Variants in EIF3G observed in about 807,000 individuals in gnomAD.
The protein encoded by EIF3G is eukaryotic translation initiation factor 3 RNA-binding subunit.
Under a neutral mutation model 41.7 loss-of-function variants are expected in EIF3G, and 10 were observed. The ratio of observed to expected loss-of-function variants is 0.24; its 90% CI spans 0.15 to 0.41. The LOEUF is 0.41. Ranked by LOEUF, EIF3G falls within the 10% of genes least tolerant of loss-of-function variation. The pLI, the probability that EIF3G is intolerant of heterozygous loss-of-function variation, is 1.00. For synonymous variants in EIF3G, 204 were observed against 172.5 expected, an observed-to-expected ratio of 1.18 and a Z score of -1.43; for missense variants, 297 against 444.0, an observed-to-expected ratio of 0.67 and a Z score of 2.98.
At chr19:10,119,253 C>T (rs777396639) in intron 2 of EIF3G, 82 bp from the exon 3 acceptor site, 1 of 1,434,630 alleles carries the variant, frequency 7.0e-7, no homozygotes, top group South Asian at 1.2e-5. Flanking sequence ...TTTGGGATGA[C>T]GCCTACAGCA....
Position 10,116,655 on chromosome 19 carries a change from T to A in EIF3G, c.595+145A>T. ...ACGCCCGTCTCCCAACCATAGGAGG[T>A]ACAGCCAATTAGGAAGGCACAGACG... is the stretch of plus-strand genomic sequence containing the variant. On this transcript the variant is annotated intron_variant, in intron 7 of 10. Coordinates refer to ENST00000253108, the MANE Select transcript of EIF3G (RefSeq NM_003755.5). This position sits in a 1 kb window ranked among gnomAD's most constrained non-coding sequence, Gnocchi z 4.1. The A allele has an allele frequency of 2.6e-6, 2 of 782,178 alleles. No individual in the cohort carries two copies. Among genetic ancestry groups the A allele is most frequent in the Non-Finnish European group, 4.0e-6 (2 of 499,026 alleles). 48.5% of individuals were successfully genotyped at this position (782,178 alleles called of 1,614,324 possible).
At position 10,116,692 on chromosome 19, in the gene EIF3G, G is replaced by T. The variant is rs1309821632; in HGVS notation, c.595+108C>A. 2 of 1,187,800 alleles carry T rather than the reference G, an allele frequency of 1.7e-6. No individual in the cohort carries two copies. The highest frequency in any genetic ancestry group is 2.3e-6 in the Non-Finnish European group (2 of 853,524). 73.6% of individuals were successfully genotyped at this position (1,187,800 alleles called of 1,614,324 possible). A position where few individuals can be genotyped will look rare whatever the true frequency, so the allele number is the denominator to read the frequency against. On this transcript the variant is annotated intron_variant, in intron 7 of 10. Coordinates refer to ENST00000253108, the MANE Select transcript of EIF3G (RefSeq NM_003755.5). The surrounding 1 kb of genome is among the most constrained non-coding windows in gnomAD (Gnocchi z 4.1). The stretch of plus-strand genomic sequence containing the variant: ...GGAAGGCACAGACGCCCCGAGGAGA[G>T]TCTGGCACCATCAAACCCGCTGCAC...
rs1168670872 is a variant in EIF3G at position 10,118,919 on chromosome 19, G to C, written c.189C>G (p.Asn63Lys). The change falls in exon 4 of 11, where the codon AAC becomes AAG. Residue 63 changes from asparagine (N) to lysine (K), a missense_variant. Around this residue, in one of 4 missense-constraint regions of EIF3G, gnomAD observed 147 missense variants for 162.4 expected, o/e 0.91. Transcript: ENST00000253108. ...LPPPKEVINGNIKTVTEYKID... is the reference protein window; with the variant it reads ...LPPPKEVINGKIKTVTEYKID... The stretch of plus-strand genomic sequence containing the variant: ...TCTTGTACTCTGTCACTGTCTTTAT[G>C]TTTCCGTTGATGACCTCCTTGGGAG... 1 of 1,613,464 alleles carries C rather than the reference G, an allele frequency of 6.2e-7. No individual in the cohort carries two copies. Among genetic ancestry groups the C allele is most frequent in the Non-Finnish European group, 8.5e-7 (1 of 1,179,940 alleles).
Position 10,118,972 on chromosome 19 carries a change from A to G in EIF3G, c.152-16T>C. 1 of 1,614,052 alleles carries G rather than the reference A, an allele frequency of 6.2e-7. No individual in the cohort carries two copies. Among genetic ancestry groups the G allele is most frequent in the Non-Finnish European group, 8.5e-7 (1 of 1,179,998 alleles). On this transcript the variant is annotated splice_polypyrimidine_tract_variant and intron_variant, in intron 3 of 10. Coordinates refer to ENST00000253108, the MANE Select transcript of EIF3G (RefSeq NM_003755.5). ...GGCAGTGGAGCTGGCAGAAGGGGAA[A>G]AACAGAGAAAGACTGAGCCCTGGGT... is the stretch of plus-strand genomic sequence containing the variant.
chr19:10,116,214 G>A lies in EIF3G; in HGVS notation c.596-140C>T. 1 of 775,122 alleles carries A rather than the reference G, an allele frequency of 1.3e-6. No individual in the cohort carries two copies. Among genetic ancestry groups the A allele is most frequent in the Non-Finnish European group, 2.1e-6 (1 of 484,920 alleles). 48.0% of individuals were successfully genotyped at this position (775,122 alleles called of 1,614,324 possible). A position where few individuals can be genotyped will look rare whatever the true frequency, so the allele number is the denominator to read the frequency against. On this transcript the variant is annotated intron_variant, in intron 7 of 10. Transcript: ENST00000253108. The surrounding 1 kb of genome is among the most constrained non-coding windows in gnomAD (Gnocchi z 4.1). ...CCACAGGCAGCCAGTTGGCCACGAGGACACCAAGGTGACACCTGAGAAGCT... is the reference window on the plus strand; with the variant it reads ...CCACAGGCAGCCAGTTGGCCACGAGAACACCAAGGTGACACCTGAGAAGCT...
At chr19:10,118,775 T>G (rs775331214) in intron 4 of EIF3G, 48 bp from the exon 5 acceptor site, 1 of 1,611,594 alleles carries the variant, frequency 6.2e-7, no homozygotes. Context: ...CCAAGGGATC[T>G]CCTTTATCAA....
At chr19:10,118,610 G>C (rs2145230164) in intron 5 of EIF3G, 58 bp downstream of exon 5, 1 of 1,498,234 alleles carries the variant, frequency 6.7e-7, no homozygotes. Context: ...TAAACACAAA[G>C]TCCGGGAGCA....
intron 2 of EIF3G, chr19:10,119,426 T>G: frequency 1.3e-6 from 1 of 752,908 alleles, no homozygotes; most frequent in East Asian, 2.7e-5. Context: ...AGACGGGAGA[T>G]TACAACTTCC....
At position 10,116,364 on chromosome 19, in the gene EIF3G, A is replaced by G. The variant is rs183410753; in HGVS notation, c.596-290T>C. The G allele has an allele frequency of 1.1e-5, 6 of 538,998 alleles. No individual in the cohort carries two copies. The highest frequency in any genetic ancestry group is 6.7e-5 in the Admixed American group (2 of 29,800). The allele number at this position is 538,998 out of a possible 1,614,324, so 33.4% of individuals were successfully genotyped here. A position where few individuals can be genotyped will look rare whatever the true frequency, so the allele number is the denominator to read the frequency against. The stretch of plus-strand genomic sequence containing the variant: ...CCTCACATGCACAGCAACGGCAGAC[A>G]TGGGACACACAACAGGAACAGCGCC... On this transcript the variant is annotated intron_variant, in intron 7 of 10. Coordinates refer to ENST00000253108, the MANE Select transcript of EIF3G (RefSeq NM_003755.5). The surrounding 1 kb of genome is among the most constrained non-coding windows in gnomAD (Gnocchi z 4.1).
chr19:10,119,811 C>T, intron 1 of EIF3G, 29 bp downstream of exon 1: 1 of 1,614,216 alleles, frequency 6.2e-7, no homozygotes. Flanking sequence ...AACCGCTTCC[C>T]GTGCCCCTTT....
chr19:10,116,627 G>T lies in EIF3G; in HGVS notation c.595+173C>A. On this transcript the variant is annotated intron_variant, in intron 7 of 10. Transcript: ENST00000253108. This position sits in a 1 kb window ranked among gnomAD's most constrained non-coding sequence, Gnocchi z 4.1. ...CAGCTGCCAAGTCGCACATATATGGGAGACGCCCGTCTCCCAACCATAGGA... is the reference window on the plus strand; with the variant it reads ...CAGCTGCCAAGTCGCACATATATGGTAGACGCCCGTCTCCCAACCATAGGA... The T allele has an allele frequency of 1.6e-6, 1 of 636,456 alleles. No individual in the cohort carries two copies. The highest frequency in any genetic ancestry group is 2.7e-6 in the Non-Finnish European group (1 of 374,410). The allele number at this position is 636,456 out of a possible 1,614,324, so 39.4% of individuals were successfully genotyped here.
intron 2 of EIF3G, chr19:10,119,445 G>A (rs2089287354): frequency 1.3e-6 from 1 of 768,096 alleles, no homozygotes. Flanking sequence ...CCTCCCTGGA[G>A]GGGAACAGCT....
At position 10,115,695 on chromosome 19, in the gene EIF3G, C is replaced by T. The variant is rs770201819; in HGVS notation, c.829G>A (p.Gly277Ser). 1 of 1,614,196 alleles carries T rather than the reference C, an allele frequency of 6.2e-7. No individual in the cohort carries two copies. Among genetic ancestry groups the T allele is most frequent in the Non-Finnish European group, 8.5e-7 (1 of 1,180,028 alleles). The change falls in exon 9 of 11, where the codon GGC (glycine) becomes AGC (serine). Residue 277 changes from glycine (G) to serine (S), a missense_variant. Physicochemically the swap from Gly to Ser is moderately conservative, Grantham distance 56. Transcript: ENST00000253108. ...GCCTGCCTGCCCACCTTGGATTGGC[C>T]AGTGGTCTTGTCCTTAGCCAGGTAG... ...RIYLAKDKTT[G>S]QSKGFAFISF...
Position 10,115,514 on chromosome 19 carries a change from G to A in EIF3G, c.912C>T (p.Gly304=). The change falls in exon 10 of 11, where the codon GGC becomes GGT. Residue 304 remains glycine (G), a synonymous_variant. Transcript: ENST00000253108. ...CGACGTTGAGGATGAGGTGGTCGTA[G>A]CCAAAGCCGGACACCCCGGCAATGG... is the stretch of plus-strand genomic sequence containing the variant. ...ARAIAGVSGF[G]YDHLILNVEW... is the part of the protein sequence containing the mutation. 1.2e-6 allele frequency: 2 copies of A among 1,613,454 alleles called. No individual in the cohort carries two copies. Among genetic ancestry groups the A allele is most frequent in the Non-Finnish European group, 1.7e-6 (2 of 1,179,584 alleles).
Position 10,119,061 on chromosome 19 carries a change from ACTCACCTCCCGGCAG to A in EIF3G, c.151+12_151+26del, listed in dbSNP as rs762261701. 5.7e-6 allele frequency: 3 copies of A among 524,728 alleles called. No individual in the cohort carries two copies. The highest frequency in any genetic ancestry group is 8.2e-6 in the Non-Finnish European group (3 of 363,844). 32.5% of individuals were successfully genotyped at this position (524,728 alleles called of 1,614,324 possible). ...GCCCGGACACCGAGTGGCAGTCCTC[ACTCACCTCCCGGCAG>A]TCCTCACTCACCTCCCGGCAGTAGC... On this transcript the variant is annotated intron_variant, in intron 3 of 10. Transcript: ENST00000253108.
chr19:10,118,747 A>AGG lies in EIF3G; in HGVS notation c.241-22_241-21dup. 3 of 1,613,570 alleles carry AGG rather than the reference A, an allele frequency of 1.9e-6. No individual in the cohort carries two copies. Among genetic ancestry groups the AGG allele is most frequent in the Non-Finnish European group, 2.5e-6 (3 of 1,179,812 alleles). On this transcript the variant is annotated intron_variant, in intron 4 of 10. Coordinates refer to ENST00000253108, the MANE Select transcript of EIF3G (RefSeq NM_003755.5). ...GACAATCTGAGGATGGGAGGGGAGAAGGGTCAGGCTCCTGGGACCAAGGGA... is the reference window on the plus strand; with the variant it reads ...GACAATCTGAGGATGGGAGGGGAGAAGGGGGTCAGGCTCCTGGGACCAAGGGA...
chr19:10,118,614 G>A (rs768998436), intron 5 of EIF3G, 54 bp downstream of exon 5: 23 of 1,588,962 alleles, frequency 1.4e-5, no homozygotes, highest in Middle Eastern at 3.3e-4. Context: ...CACAAAGTCC[G>A]GGAGCACGGT....
At chr19:10,119,523 C>G in intron 2 of EIF3G, 131 bp downstream of exon 2, 1 of 1,248,148 alleles carries the variant, frequency 8.0e-7, no homozygotes, top group South Asian at 1.3e-5. Context: ...CAGGCGGGTC[C>G]CAAGGAGGAT....
In EIF3G at chr19:10,116,090, CAG is replaced by C. The variant is rs1568494816; in HGVS notation, c.596-18_596-17del. ...GGCTCTAGCTCTGGGGACCAAAAGA[CAG>C]TCAAGTTCAACCTCACTGTGGCGCA... is the stretch of plus-strand genomic sequence containing the variant. On this transcript the variant is annotated splice_polypyrimidine_tract_variant and intron_variant, in intron 7 of 10. Coordinates refer to ENST00000253108, the MANE Select transcript of EIF3G (RefSeq NM_003755.5). This position sits in a 1 kb window ranked among gnomAD's most constrained non-coding sequence, Gnocchi z 4.1. 1 of 1,611,608 alleles carries C rather than the reference CAG, an allele frequency of 6.2e-7. No homozygotes were observed. The highest frequency in any genetic ancestry group is 8.5e-7 in the Non-Finnish European group (1 of 1,178,630).
Sources: allele counts gnomAD v4.1 joint callset, GRCh38; gene constraint gnomAD v4.1.1; regional missense constraint gnomAD v4.1.1; non-coding constraint Gnocchi (gnomAD v3.1); transcripts MANE v1.5; gene names NCBI Gene and HGNC (gene_info 2026-07-23, HGNC 2026-07-21).